SLC29A3: variants seen among roughly 807,000 people sequenced by gnomAD.
The protein encoded by SLC29A3 is solute carrier family 29 member 3, also known as equilibrative nucleoside transporter 3.
Under a neutral mutation model 25.4 loss-of-function variants are expected in SLC29A3, and 18 were observed. The observed-to-expected ratio is 0.71, with a 90% CI of 0.49 to 1.05. SLC29A3 has a LOEUF of 1.05. Ranked by LOEUF, SLC29A3 falls within the 50% of genes least tolerant of loss-of-function variation. The pLI is 0.00. For synonymous variants in SLC29A3, 258 were observed against 267.1 expected (o/e 0.97, Z 0.33); for missense variants, 586 against 609.0 (o/e 0.96, Z 0.40).
At chr10:71,381,139 A>G (rs1232132601) in exon 5 of SLC29A3, 1 of 152,226 alleles carries the variant, frequency 6.6e-6, no homozygotes, top group African/African-American at 2.4e-5. Flanking sequence ...GTCATTATAC[A>G]TTTATCCAAA....
At chr10:71,325,486 G>T (rs1845944898) in intron 2 of SLC29A3, among the ~76,000 whole-genome samples, 2 of 152,196 alleles carry the variant, frequency 1.3e-5, no homozygotes, top group African/African-American at 4.8e-5. Context: ...GACTGGATTA[G>T]CCTGAGCTGG....
chr10:71,350,626 T>C (rs1473885912), intron 3 of SLC29A3, among the ~76,000 whole-genome samples: 1 of 152,156 alleles, frequency 6.6e-6, no homozygotes, highest in African/African-American at 2.4e-5. Context: ...TATGCAGGCA[T>C]GGTGCTGGGG....
chr10:71,373,247 G>A (rs549172820), intron 3 of SLC29A3, among the ~76,000 whole-genome samples: 3 of 152,320 alleles, frequency 2.0e-5, no homozygotes, highest in African/African-American at 4.8e-5. Context: ...TGTGAATTAC[G>A]AATGCAGAAC....
chr10:71,348,194 C>G (rs1163942546), intron 3 of SLC29A3, among the ~76,000 whole-genome samples: 2 of 152,258 alleles, frequency 1.3e-5, no homozygotes, highest in South Asian at 2.1e-4. Flanking sequence ...AGGCCCTGTG[C>G]CTGTGCTGGG....
chr10:71,342,312 G>A (rs1465280128), intron 2 of SLC29A3, among the ~76,000 whole-genome samples: 1 of 152,214 alleles, frequency 6.6e-6, no homozygotes, highest in Non-Finnish European at 1.5e-5. Context: ...TCCATCTCCT[G>A]ATCTGTGCTC....
intron 5 of SLC29A3, 112 bp from the exon 6 acceptor site, chr10:71,361,842 C>G: frequency 7.7e-7 from 1 of 1,294,758 alleles, no homozygotes; most frequent in Non-Finnish European, 1.1e-6. Context: ...GCATACGGGG[C>G]TTGGGCTCTC....
chr10:71,361,404 C>T (rs527757734), intron 5 of SLC29A3, among the ~76,000 whole-genome samples: 1 of 152,326 alleles, frequency 6.6e-6, no homozygotes, highest in South Asian at 2.1e-4. Context: ...TCAAGCAATC[C>T]TTCTGCCTCT....
At chr10:71,358,516 G>A (rs377056792) in intron 5 of SLC29A3, among the ~76,000 whole-genome samples, 12 of 152,134 alleles carry the variant, frequency 7.9e-5, no homozygotes, top group Admixed American at 2.6e-4. Context: ...TGACGTCCCC[G>A]TGCTTCCTGT....
At chr10:71,358,616 A>G (rs1257214049) in intron 5 of SLC29A3, among the ~76,000 whole-genome samples, 1 of 152,182 alleles carries the variant, frequency 6.6e-6, no homozygotes, top group Non-Finnish European at 1.5e-5. Context: ...CACTGAATGA[A>G]CAGAGGAACA....
rs1213428522 is a variant in SLC29A3 at position 71,351,558 on chromosome 10, C to G, written c.384-4C>G. 5 of 1,613,732 alleles carry G rather than the reference C, an allele frequency of 3.1e-6. No homozygotes were observed. The highest frequency in any genetic ancestry group is 3.4e-6 in the Non-Finnish European group (4 of 1,179,712). On this transcript the variant is annotated splice_polypyrimidine_tract_variant and splice_region_variant and intron_variant, in intron 3 of 5. Transcript: ENST00000373189. ...TCTAACTGCTTCTGGCATCCTCGCC[C>G]CAGGGTTGCAGTCCACATCCGTGTC...
intron 1 of SLC29A3, chr10:71,319,583 G>A: frequency 2.6e-6 from 1 of 379,672 alleles, no homozygotes; most frequent in Non-Finnish European, 4.7e-6. Context: ...TGGGGGCCTG[G>A]TATGGACCCG....
At chr10:71,346,153 C>T (rs1001107698) in intron 3 of SLC29A3, among the ~76,000 whole-genome samples, 5 of 152,208 alleles carry the variant, frequency 3.3e-5, no homozygotes, top group Admixed American at 2.6e-4. Flanking sequence ...GTTGCCTCTT[C>T]AGTGGTCTGG....
At chr10:71,329,457 CAA>C (rs1554814829) in intron 2 of SLC29A3, among the ~76,000 whole-genome samples, 14 of 120,424 alleles carry the variant, frequency 1.2e-4, no homozygotes, top group Admixed American at 1.9e-4. Flanking sequence ...GACTCTGTCT[CAA>C]AAAAAAAAAA....
chr10:71,366,923 C>G (rs1229357469), downstream of SLC29A3, among the ~76,000 whole-genome samples: 1 of 152,212 alleles, frequency 6.6e-6, no homozygotes, highest in East Asian at 1.9e-4. Context: ...GCCTCTGGGC[C>G]TGAGTCACTG....
At chr10:71,335,798 G>A (rs1369448009) in intron 2 of SLC29A3, among the ~76,000 whole-genome samples, 2 of 152,122 alleles carry the variant, frequency 1.3e-5, no homozygotes, top group Non-Finnish European at 1.5e-5. Flanking sequence ...TCTGGATGAA[G>A]AGACGGATGT....
chr10:71,360,618 C>A (rs1847031622), intron 5 of SLC29A3, among the ~76,000 whole-genome samples: 1 of 152,180 alleles, frequency 6.6e-6, no homozygotes, highest in African/African-American at 2.4e-5. Context: ...ATTAGGAGAG[C>A]AGTTTATCAG....
chr10:71,344,026 G>T (rs1421689142), intron 2 of SLC29A3, among the ~76,000 whole-genome samples, 183 bp from the exon 3 acceptor site: 2 of 152,172 alleles, frequency 1.3e-5, no homozygotes, highest in Non-Finnish European at 1.5e-5. Context: ...GAGTGGCTGA[G>T]TGAGCGGTCT....
intron 4 of SLC29A3, among the ~76,000 whole-genome samples, chr10:71,352,275 C>G (rs1467234253): frequency 6.6e-6 from 1 of 152,138 alleles, no homozygotes; most frequent in African/African-American, 2.4e-5. Flanking sequence ...CACATAGGGT[C>G]AGTTCTGCCA....
rs2131844568 is a variant in SLC29A3, at chr10:71,356,242, A to G, written c.772A>G (p.Arg258Gly). The G allele has an allele frequency of 6.2e-7, 1 of 1,613,242 alleles. No homozygotes were observed. Among genetic ancestry groups the G allele is most frequent in the Non-Finnish European group, 8.5e-7 (1 of 1,180,024 alleles). ...YLLLSRLEYARYYMRPVLAAH... is the reference protein window; with the variant it reads ...YLLLSRLEYAGYYMRPVLAAH... ...GCTGCTGTCCAGGCTGGAGTATGCC[A>G]GGTGAAGGTGCCACTCACTGTCCAT... The change falls in exon 5 of 6, where the codon AGG becomes GGG. Residue 258 changes from arginine to glycine, a missense_variant and splice_region_variant. Physicochemically the swap from Arg to Gly is moderately radical, Grantham distance 125. Transcript: ENST00000373189.
Sources: gnomAD v4.1 joint callset for allele counts (sites outside exome capture counted in the v4.1 genomes callset) on GRCh38, gnomAD v4.1.1 for gene constraint, MANE v1.5 for transcripts, NCBI Gene and HGNC (gene_info 2026-07-23, HGNC 2026-07-21) for gene names.